ONECUT2: variants seen among roughly 807,000 people sequenced by gnomAD.
The protein encoded by ONECUT2 is one cut homeobox 2.
In ONECUT2, 10 loss-of-function variants were observed where a neutral mutation model predicts 27.9. That is an observed-to-expected ratio of 0.36 (90% CI 0.22 to 0.61). The LOEUF (loss-of-function observed/expected upper bound fraction) is 0.61, where lower values mean the gene tolerates loss of function less well. Among genes scored for constraint, ONECUT2 ranks in the 20% least tolerant of loss-of-function variants. The pLI, the probability that ONECUT2 is intolerant of heterozygous loss-of-function variation, is 0.73. For missense variants in ONECUT2, 686 were observed against 721.0 expected (o/e 0.95, Z 0.56); for synonymous variants, 334 against 315.1 (o/e 1.06, Z -0.64).
rs2050426781 is a variant in ONECUT2, at chr18:57,483,771, T to G, written c.*7048T>G. 1 of 152,642 alleles carries G rather than the reference T, an allele frequency of 6.6e-6. No homozygotes were observed. Among genetic ancestry groups the G allele is most frequent in the South Asian group, 2.1e-4 (1 of 4,828 alleles). The allele number at this position is 152,642 out of a possible 1,614,324, so 9.5% of individuals were successfully genotyped here. ...AATAGTCTAAGTAACAATTTTTAAA[T>G]TATTTAACTTAAGTTCGCAGCCCCA... On this transcript the variant is annotated 3_prime_UTR_variant, in exon 2 of 2. Coordinates refer to ENST00000491143, the MANE Select transcript of ONECUT2 (RefSeq NM_004852.3).
chr18:57,474,122 G>A (rs767109556), intron 1 of ONECUT2, among the ~76,000 whole-genome samples: 22 of 152,162 alleles, frequency 1.4e-4, no homozygotes, highest in Non-Finnish European at 2.5e-4. Context: ...AGAAATGAGA[G>A]AAGGAAAAAT....
intron 1 of ONECUT2, among the ~76,000 whole-genome samples, chr18:57,440,971 G>A (rs1385549496): frequency 6.6e-6 from 1 of 152,208 alleles, no homozygotes. Context: ...GTTCGCTGCA[G>A]TCTGTGCTTC....
chr18:57,482,450 T>C lies in ONECUT2; in HGVS notation c.*5727T>C, dbSNP rs1021308804. On this transcript the variant is annotated 3_prime_UTR_variant, in exon 2 of 2. Transcript: ENST00000491143. ...AATGACTCTGACAGCCTGAAGCAGT[T>C]ATTGCTAGAGCCCAAGCTTTCCTTG... is the stretch of plus-strand genomic sequence containing the variant. 5.9e-5 allele frequency: 9 copies of C among 152,196 alleles called. No individual in the cohort carries two copies. Among genetic ancestry groups the C allele is most frequent in the African/African-American group, 2.2e-4 (9 of 41,450 alleles). 9.4% of individuals were successfully genotyped at this position (152,196 alleles called of 1,614,324 possible).
At position 57,436,024 on chromosome 18, in the gene ONECUT2, G is replaced by A. The variant is rs1201811202; in HGVS notation, c.308G>A (p.Arg103His). The part of the protein sequence containing the change: ...TAAAAAAAAS[R>H]SAMVTSMASI... The stretch of plus-strand genomic sequence containing the variant: ...GCAGCGGCGGCAGCGGCGGCGTCGC[G>A]CTCGGCCATGGTCACCAGCATGGCC... Residue 103 changes from arginine to histidine, a missense_variant, in exon 1 of 2, where the codon CGC becomes CAC. Physicochemically the swap from Arg to His is conservative, Grantham distance 29 (BLOSUM62 0). Around this residue, in one of 4 missense-constraint regions of ONECUT2, gnomAD observed 511 missense variants for 488.1 expected, o/e 1.05. Transcript: ENST00000491143. This position sits in a 1 kb window ranked among gnomAD's most constrained non-coding sequence, Gnocchi z 5.9. 1.9e-6 allele frequency: 3 copies of A among 1,545,286 alleles called. No homozygotes were observed. Among genetic ancestry groups the A allele is most frequent in the Non-Finnish European group, 1.7e-6 (2 of 1,151,572 alleles).
chr18:57,444,020 C>T (rs2050188951), intron 1 of ONECUT2, among the ~76,000 whole-genome samples: 1 of 152,188 alleles, frequency 6.6e-6, no homozygotes, highest in Non-Finnish European at 1.5e-5. Context: ...AATAATTTCT[C>T]TGTAACTGGT....
chr18:57,450,793 G>A (rs1222605627), intron 1 of ONECUT2, among the ~76,000 whole-genome samples: 4 of 152,008 alleles, frequency 2.6e-5, no homozygotes, highest in Non-Finnish European at 4.4e-5. Context: ...AAGTGCTTAG[G>A]TTGTTAATAA....
In ONECUT2 at chr18:57,476,931, G is replaced by T; in HGVS notation, c.*208G>T. On this transcript the variant is annotated 3_prime_UTR_variant, in exon 2 of 2. Transcript: ENST00000491143. ...TTTTTAATGGCTATGGAGTCCAAGT[G>T]CAAGCTGAAAAATTAATCTCTTAGA... 1 of 613,262 alleles carries T rather than the reference G, an allele frequency of 1.6e-6. No individual in the cohort carries two copies. Among genetic ancestry groups the T allele is most frequent in the Non-Finnish European group, 2.8e-6 (1 of 356,458 alleles). 38.0% of individuals were successfully genotyped at this position (613,262 alleles called of 1,614,324 possible).
chr18:57,469,256 G>A (rs1457072040), intron 1 of ONECUT2, among the ~76,000 whole-genome samples: 1 of 152,194 alleles, frequency 6.6e-6, no homozygotes, highest in Non-Finnish European at 1.5e-5. Flanking sequence ...GCTGAAAAGC[G>A]AAAAGGCCTC....
Position 57,442,148 on chromosome 18 carries a change from T to G in ONECUT2, c.1228+5204T>G, listed in dbSNP as rs550754868. Among the ~76,000 whole-genome samples the G allele has an allele frequency of 2.1e-3, 317 of 152,072 alleles. 1 individual carries two copies. The highest frequency in any genetic ancestry group is 3.9e-3 in the Non-Finnish European group (268 of 68,010). On this transcript the variant is annotated intron_variant, in intron 1 of 1. Coordinates refer to ENST00000491143, the MANE Select transcript of ONECUT2 (RefSeq NM_004852.3). ...ACCACTCCCCTGGCCAAATGGTGGC[T>G]TGTTTTTCCAGAAGGAGCACTAAGG... is the stretch of plus-strand genomic sequence containing the variant.
chr18:57,436,357 A>G lies in ONECUT2; in HGVS notation c.641A>G (p.Tyr214Cys), dbSNP rs201765223. The part of the protein sequence containing the change: ...LPAMNNLYSP[Y>C]KEMPGMSQSL... ...GCCATGAACAACCTCTACAGTCCCT[A>G]CAAGGAGATGCCCGGCATGAGCCAG... is the stretch of plus-strand genomic sequence containing the variant. Residue 214 changes from tyrosine to cysteine, a missense_variant, in exon 1 of 2, where the codon TAC becomes TGC. This residue lies in a region of ONECUT2 where 511 missense variants were observed against 488.1 expected (regional missense o/e 1.05). Transcript: ENST00000491143. This position sits in a 1 kb window ranked among gnomAD's most constrained non-coding sequence, Gnocchi z 5.9. 1.9e-5 allele frequency: 30 copies of G among 1,606,732 alleles called. No individual in the cohort carries two copies. Among genetic ancestry groups the G allele is most frequent in the Non-Finnish European group, 1.9e-5 (23 of 1,179,844 alleles).
chr18:57,435,639 C>G lies in ONECUT2; in HGVS notation c.-78C>G, dbSNP rs1031164788. The stretch of plus-strand genomic sequence containing the variant: ...CCGCGCCCGCCCCCACTCCCGCAGC[C>G]GAGCCCCGCCACGCGCGCCTTGCCC... On this transcript the variant is annotated 5_prime_UTR_variant, in exon 1 of 2. Transcript: ENST00000491143. The G allele has an allele frequency of 1.2e-5, 12 of 993,412 alleles. No individual in the cohort carries two copies. Among genetic ancestry groups the G allele is most frequent in the African/African-American group, 5.3e-5 (3 of 56,258 alleles). 61.5% of individuals were successfully genotyped at this position (993,412 alleles called of 1,614,324 possible).
At chr18:57,476,387 C>G in intron 1 of ONECUT2, 50 bp from the exon 2 acceptor site, 1 of 1,579,542 alleles carries the variant, frequency 6.3e-7, no homozygotes, top group Non-Finnish European at 8.6e-7. Flanking sequence ...CATGGATCAC[C>G]TTCTCAGGTG....
intron 1 of ONECUT2, among the ~76,000 whole-genome samples, chr18:57,465,263 A>AT (rs2050315195): frequency 6.6e-6 from 1 of 152,170 alleles, no homozygotes; most frequent in African/African-American, 2.4e-5. Flanking sequence ...TCTGGGCTCA[A>AT]TTGTTCTCCC....
At chr18:57,469,395 G>A (rs2050341514) in intron 1 of ONECUT2, among the ~76,000 whole-genome samples, 1 of 152,180 alleles carries the variant, frequency 6.6e-6, no homozygotes, top group Non-Finnish European at 1.5e-5. Context: ...ACTATTCAGG[G>A]AAAGTATTTA....
chr18:57,450,818 T>G (rs1281255504), intron 1 of ONECUT2, among the ~76,000 whole-genome samples: 1 of 152,122 alleles, frequency 6.6e-6, no homozygotes, highest in Admixed American at 6.5e-5. Context: ...AAGTTACCTG[T>G]GAAGAAAAAA....
chr18:57,462,720 T>A (rs985758865), intron 1 of ONECUT2, among the ~76,000 whole-genome samples: 4 of 149,026 alleles, frequency 2.7e-5, no homozygotes, highest in Non-Finnish European at 5.9e-5. Context: ...TGTTATTTTC[T>A]TTCTTTTTTT....
intron 1 of ONECUT2, among the ~76,000 whole-genome samples, chr18:57,453,997 G>A (rs1008456627): frequency 2.6e-5 from 4 of 152,052 alleles, no homozygotes; most frequent in South Asian, 2.1e-4. Flanking sequence ...TATGGTGTTC[G>A]AGCTGTAATT....
At chr18:57,466,318 T>C (rs1034745392) in intron 1 of ONECUT2, among the ~76,000 whole-genome samples, 2 of 152,154 alleles carry the variant, frequency 1.3e-5, no homozygotes, top group African/African-American at 4.8e-5. Context: ...TGGCCTTGTG[T>C]TTAGGTAAAA....
At position 57,438,815 on chromosome 18, in the gene ONECUT2, C is replaced by G. The variant is rs546017310; in HGVS notation, c.1228+1871C>G. Among the ~76,000 whole-genome samples the G allele has an allele frequency of 1.2e-4, 18 of 151,388 alleles. No individual in the cohort carries two copies. In the East Asian group the frequency reaches 3.5e-3, roughly 29 times the overall value. On this transcript the variant is annotated intron_variant, in intron 1 of 1. Transcript: ENST00000491143. ...AGTTTTCTCTGATTTGCTGTTGGTT[C>G]GGGGCAAGATAAAGCAGCCAGTAGA...
Sources: gnomAD v4.1 joint callset for allele counts (sites outside exome capture counted in the v4.1 genomes callset) on GRCh38, gnomAD v4.1.1 for gene constraint, gnomAD v4.1.1 regional missense constraint, Gnocchi (gnomAD v3.1) non-coding constraint, MANE v1.5 for transcripts, NCBI Gene and HGNC (gene_info 2026-07-23, HGNC 2026-07-21) for gene names.